AGAP2: variants seen among roughly 807,000 people sequenced by gnomAD.
AGAP2 encodes the protein ArfGAP with GTPase domain, ankyrin repeat and PH domain 2, also known as arf-GAP with GTPase, ANK repeat and PH domain-containing protein 2.
AGAP2 carries 32 observed loss-of-function variants against 110.9 expected under a neutral mutation model. The ratio of observed to expected loss-of-function variants is 0.29; its 90% confidence interval spans 0.22 to 0.39. AGAP2 has a LOEUF of 0.39. Ranked by LOEUF, AGAP2 falls within the 10% of genes least tolerant of loss-of-function variation. AGAP2 has a pLI of 1.00. For synonymous variants in AGAP2, 702 were observed against 713.0 expected, an observed-to-expected ratio of 0.98 and a Z score of 0.25; for missense variants, 1,285 against 1,638.5, an observed-to-expected ratio of 0.78 and a Z score of 3.72.
At position 57,737,957 on chromosome 12, in the gene AGAP2, G is replaced by C; in HGVS notation, c.290C>G (p.Pro97Arg). Residue 97 changes from proline (P) to arginine (R), a missense_variant, in exon 1 of 19, where the codon CCG (proline) becomes CGG (arginine). Physicochemically the swap from Pro to Arg is moderately radical, Grantham distance 103. Coordinates refer to ENST00000547588, the MANE Select transcript of AGAP2 (RefSeq NM_001122772.3). The surrounding 1 kb of genome is among the most constrained non-coding windows in gnomAD (Gnocchi z 5.9). ...GGAGACTGGGCGGGCCGGACTGGCC[G>C]GAGCCGGGGACAGGGCTGGGGGCTC... Reference protein sequence around the residue: ...GAEPPALSPAPASPARPVSPA... With the variant: ...GAEPPALSPARASPARPVSPA... 7.1e-7 allele frequency: 1 copy of C among 1,403,732 alleles called. No homozygotes were observed. The allele number at this position is 1,403,732 out of a possible 1,614,324, so 87.0% of individuals were successfully genotyped here. A position where few individuals can be genotyped will look rare whatever the true frequency, so the allele number is the denominator to read the frequency against.
chr12:57,738,949 G>GC (rs1955042117), upstream of AGAP2, among the ~76,000 whole-genome samples: 1 of 151,974 alleles, frequency 6.6e-6, no homozygotes, highest in African/African-American at 2.4e-5. The surrounding 1 kb of genome is among the most constrained non-coding windows in gnomAD (Gnocchi z 6.7). Flanking sequence ...CTGTGTCCGG[G>GC]CGCTCCCCTC....
At chr12:57,735,579 T>A in intron 1 of AGAP2, 152 bp from the exon 2 acceptor site, 1 of 664,054 alleles carries the variant, frequency 1.5e-6, no homozygotes, top group Non-Finnish European at 2.6e-6. Context: ...TTGAGGGTGG[T>A]CCCCAGGCCT....
Position 57,737,725 on chromosome 12 carries a change from G to T in AGAP2, c.522C>A (p.Gly174=). ...GAGGCGCCACCTTGAGCCTCCGGCTGCCGGTGCCAGGGTGCGGAGAGGATG... is the reference window on the plus strand; with the variant it reads ...GAGGCGCCACCTTGAGCCTCCGGCTTCCGGTGCCAGGGTGCGGAGAGGATG... ...PGSSSPHPGT[G]SRRLKVAPPP... is the part of the protein sequence containing the mutation. The change falls in exon 1 of 19, where the codon GGC becomes GGA. Residue 174 remains glycine, a synonymous_variant. Coordinates refer to ENST00000547588, the MANE Select transcript of AGAP2 (RefSeq NM_001122772.3). The surrounding 1 kb of genome is among the most constrained non-coding windows in gnomAD (Gnocchi z 5.9). The T allele has an allele frequency of 6.5e-7, 1 of 1,546,148 alleles. No homozygotes were observed. The highest frequency in any genetic ancestry group is 8.7e-7 in the Non-Finnish European group (1 of 1,149,908).
At chr12:57,732,822 AT>A (rs1954911598) in intron 6 of AGAP2, 22 bp downstream of exon 6, 1 of 1,613,254 alleles carries the variant, frequency 6.2e-7, no homozygotes, top group Non-Finnish European at 8.5e-7. Flanking sequence ...CTTCCCACAT[AT>A]GCTGGAGATC....
upstream of AGAP2, chr12:57,742,064 G>A (rs1955083491): frequency 6.2e-7 from 1 of 1,613,866 alleles, no homozygotes; most frequent in African/African-American, 1.3e-5. Context: ...CTGCCTCTGG[G>A]CATGCATGTT....
At chr12:57,733,486 A>C (rs1954924574) in intron 5 of AGAP2, among the ~76,000 whole-genome samples, 1 of 150,662 alleles carries the variant, frequency 6.6e-6, no homozygotes, top group African/African-American at 2.5e-5. Context: ...AGCTCGACAC[A>C]GGGGAGTGCT....
intron 17 of AGAP2, 22 bp downstream of exon 17, chr12:57,727,338 C>A (rs752098497): frequency 6.2e-6 from 10 of 1,605,386 alleles, no homozygotes; most frequent in Non-Finnish European, 5.1e-6. Flanking sequence ...ACCCTCCCCC[C>A]GCTCTGTTCC....
chr12:57,734,096 G>A lies in AGAP2; in HGVS notation c.1479C>T (p.Leu493=). 6.2e-7 allele frequency: 1 copy of A among 1,613,766 alleles called. No individual in the cohort carries two copies. Among genetic ancestry groups the A allele is most frequent in the Non-Finnish European group, 8.5e-7 (1 of 1,179,842 alleles). ...DENSFQAVSR[L]HGQLSSLRGE... is the part of the protein sequence containing the mutation. ...CGCGAAGGGAACTCAGCTGCCCATG[G>A]AGACGGCTCACAGCCTGGAAACTGT... Residue 493 remains leucine, a synonymous_variant, in exon 5 of 19, where the codon CTC becomes CTT. Coordinates refer to ENST00000547588, the MANE Select transcript of AGAP2 (RefSeq NM_001122772.3).
intron 15 of AGAP2, 26 bp downstream of exon 15, chr12:57,727,911 T>C (rs779336770): frequency 1.2e-6 from 2 of 1,612,792 alleles, no homozygotes; most frequent in African/African-American, 2.7e-5. Context: ...CTGCGGCCAG[T>C]CCTCCACTCC....
rs1954787218 is a variant in AGAP2 at position 57,727,242 on chromosome 12, G to A, written c.3081-13C>T. Reference sequence around the variant, plus strand: ...CTCGCGCTCCTCCCTGCAAGACCAGGGATCAACGGAAAAGGCTCTAGGGAC... The same window carrying A: ...CTCGCGCTCCTCCCTGCAAGACCAGAGATCAACGGAAAAGGCTCTAGGGAC... On this transcript the variant is annotated splice_polypyrimidine_tract_variant and intron_variant, in intron 17 of 18. Transcript: ENST00000547588. The A allele has an allele frequency of 6.2e-7, 1 of 1,612,576 alleles. No individual in the cohort carries two copies. The highest frequency in any genetic ancestry group is 8.5e-7 in the Non-Finnish European group (1 of 1,179,866).
Position 57,726,970 on chromosome 12 carries a change from G to T in AGAP2, c.3336+4C>A. ...ACCCCCTTTCCTCCCCCCAGCTCAC[G>T]TACCCACAGCAGCAGTTGCGTGATG... On this transcript the variant is annotated splice_donor_region_variant and intron_variant, in intron 18 of 18. Transcript: ENST00000547588. The surrounding 1 kb of genome is among the most constrained non-coding windows in gnomAD (Gnocchi z 5.7). 1.3e-6 allele frequency: 2 copies of T among 1,564,900 alleles called. No homozygotes were observed. Among genetic ancestry groups the T allele is most frequent in the Non-Finnish European group, 1.7e-6 (2 of 1,155,882 alleles).
chr12:57,727,509 G>C lies in AGAP2; in HGVS notation c.2931C>G (p.Gly977=). Residue 977 remains glycine, a synonymous_variant, in exon 17 of 19, where the codon GGC becomes GGG. Transcript: ENST00000547588. ...GCGAGCGAACGCGGGACAGGTGTGTGCCCAGGTTGCGGTGGATGCCAGAAC... is the reference window on the plus strand; with the variant it reads ...GCGAGCGAACGCGGGACAGGTGTGTCCCCAGGTTGCGGTGGATGCCAGAAC... The part of the protein sequence containing the change: ...IECSGIHRNL[G]THLSRVRSLD... 1 of 1,613,248 alleles carries C rather than the reference G, an allele frequency of 6.2e-7. No individual in the cohort carries two copies. Among genetic ancestry groups the C allele is most frequent in the Non-Finnish European group, 8.5e-7 (1 of 1,179,838 alleles).
At chr12:57,736,609 G>A (rs891180206) in intron 1 of AGAP2, among the ~76,000 whole-genome samples, 3 of 152,204 alleles carry the variant, frequency 2.0e-5, no homozygotes, top group African/African-American at 7.2e-5. Flanking sequence ...CTCAGCCCAG[G>A]GGACGACTAG....
In AGAP2 at chr12:57,738,129, C is replaced by T; in HGVS notation, c.118G>A (p.Gly40Ser). Residue 40 changes from glycine (G) to serine (S), a missense_variant, in exon 1 of 19, where the codon GGC becomes AGC. Gly to Ser is a moderately conservative substitution (Grantham distance 56). Coordinates refer to ENST00000547588, the MANE Select transcript of AGAP2 (RefSeq NM_001122772.3). This position sits in a 1 kb window ranked among gnomAD's most constrained non-coding sequence, Gnocchi z 6.7. ...TCGGAGCCTCTGGCACCGGCGGCGC[C>T]GGCCGCGGCCGCAGACGGAGAAGGC... ...PPPSPSAAAA[G>S]AAGARGSETG... is the part of the protein sequence containing the mutation. The T allele has an allele frequency of 6.6e-7, 1 of 1,520,338 alleles. No homozygotes were observed. Among genetic ancestry groups the T allele is most frequent in the Non-Finnish European group, 8.8e-7 (1 of 1,139,584 alleles). The allele number at this position is 1,520,338 out of a possible 1,614,324, so 94.2% of individuals were successfully genotyped here.
chr12:57,731,054 C>A, intron 10 of AGAP2, 101 bp from the exon 11 acceptor site: 3 of 1,254,488 alleles, frequency 2.4e-6, no homozygotes, highest in South Asian at 1.6e-5. Context: ...GGGGAGGGGT[C>A]TTGGGGGCCA....
At chr12:57,741,068 C>T (rs1273110082), upstream of AGAP2, among the ~76,000 whole-genome samples, 2 of 152,194 alleles carry the variant, frequency 1.3e-5, no homozygotes, top group African/African-American at 4.8e-5. Context: ...TTTGCTGCAT[C>T]AGAGGTGAAT....
chr12:57,730,323 C>T, intron 12 of AGAP2, 172 bp downstream of exon 12: 1 of 995,048 alleles, frequency 1.0e-6, no homozygotes, highest in Non-Finnish European at 1.5e-6. Context: ...TTAGAGTCCA[C>T]TTGTCTTAAC....
intron 1 of AGAP2, among the ~76,000 whole-genome samples, chr12:57,736,355 C>T (rs1230928689): frequency 6.6e-6 from 1 of 152,220 alleles, no homozygotes; most frequent in Non-Finnish European, 1.5e-5. Flanking sequence ...TTCCCCGTAC[C>T]GCCTCCCAAG....
chr12:57,738,133 C>T lies in AGAP2; in HGVS notation c.114G>A (p.Ala38=), dbSNP rs1230439190. 6.6e-7 allele frequency: 1 copy of T among 1,521,118 alleles called. No individual in the cohort carries two copies. The highest frequency in any genetic ancestry group is 2.0e-5 in the Admixed American group (1 of 49,428). The allele number at this position is 1,521,118 out of a possible 1,614,324, so 94.2% of individuals were successfully genotyped here. A position where few individuals can be genotyped will look rare whatever the true frequency, so the allele number is the denominator to read the frequency against. Residue 38 remains alanine (A), a synonymous_variant, in exon 1 of 19, where the codon GCG becomes GCA. Coordinates refer to ENST00000547588, the MANE Select transcript of AGAP2 (RefSeq NM_001122772.3). The surrounding 1 kb of genome is among the most constrained non-coding windows in gnomAD (Gnocchi z 6.7). The stretch of plus-strand genomic sequence containing the variant: ...AGCCTCTGGCACCGGCGGCGCCGGC[C>T]GCGGCCGCAGACGGAGAAGGCGGCG... ...PPPPPSPSAA[A]AGAAGARGSE...
Sources: allele counts gnomAD v4.1 joint callset (sites outside exome capture counted in the v4.1 genomes callset), GRCh38; gene constraint gnomAD v4.1.1; non-coding constraint Gnocchi (gnomAD v3.1); transcripts MANE v1.5; gene names NCBI Gene and HGNC (gene_info 2026-07-23, HGNC 2026-07-21).